BCAP29: variants seen among roughly 807,000 people sequenced by gnomAD.
BCAP29 encodes the protein B-cell receptor-associated protein 29.
A neutral mutation model predicts 31.8 loss-of-function variants in BCAP29; 34 were observed. The observed-to-expected ratio is 1.07, with a 90% CI of 0.81 to 1.42. The LOEUF is 1.42. Among genes scored for constraint, BCAP29 ranks in the 40% most tolerant of loss-of-function variants. BCAP29 has a pLI of 0.00. For missense variants in BCAP29, 314 were observed against 269.2 expected (o/e 1.17, Z -1.16); for synonymous variants, 104 against 91.3 (o/e 1.14, Z -0.79).
At chr7:107,591,887 G>C (rs1369490326) in intron 3 of BCAP29, among the ~76,000 whole-genome samples, 1 of 152,058 alleles carries the variant, frequency 6.6e-6, no homozygotes, top group Non-Finnish European at 1.5e-5. Flanking sequence ...ACAGGAGTTA[G>C]AGAAAGAAAT....
rs746517491 is a variant in BCAP29 at position 107,596,705 on chromosome 7, A to G, written c.480+703A>G. On this transcript the variant is annotated intron_variant, in intron 5 of 7. Transcript: ENST00000005259. ...AGAACACTGCTTTTTTTCCTCTTCA[A>G]TTGTTTTTCTCTTATTCTTTAGCTC... 5.3e-5 allele frequency among the ~76,000 whole-genome samples: 8 copies of G among 152,220 alleles called. No individual in the cohort carries two copies. In the East Asian group the frequency reaches 5.8e-4, roughly 11 times the overall value.
intron 4 of BCAP29, among the ~76,000 whole-genome samples, chr7:107,594,563 G>A (rs1298559715): frequency 1.3e-5 from 2 of 151,952 alleles, no homozygotes; most frequent in Admixed American, 6.6e-5. Context: ...GTGCAGTGGC[G>A]CGATCTCGGC....
intron 7 of BCAP29, among the ~76,000 whole-genome samples, chr7:107,614,389 A>T (rs908054874): frequency 4.6e-5 from 7 of 152,182 alleles, no homozygotes; most frequent in African/African-American, 1.7e-4. Flanking sequence ...AGGTTATAGC[A>T]TCCCTTTGGG....
chr7:107,612,414 TA>T (rs1563141300), intron 6 of BCAP29, among the ~76,000 whole-genome samples: 2,192 of 121,296 alleles, frequency 0.018, 125 homozygotes, highest in South Asian at 0.028. Context: ...TATATATATA[TA>T]TATATATATA....
chr7:107,618,531 C>A lies in BCAP29; in HGVS notation c.*168C>A. The A allele has an allele frequency of 6.2e-7, 1 of 1,606,226 alleles. No homozygotes were observed. The highest frequency in any genetic ancestry group is 1.1e-5 in the South Asian group (1 of 90,710). ...ATTATCAAAATATTTGATGATGTTTCAGATATATTGCAAAGTCTGTATTCC... is the reference window on the plus strand; with the variant it reads ...ATTATCAAAATATTTGATGATGTTTAAGATATATTGCAAAGTCTGTATTCC... On this transcript the variant is annotated 3_prime_UTR_variant, in exon 8 of 8. Coordinates refer to ENST00000005259, the MANE Select transcript of BCAP29 (RefSeq NM_018844.4).
Position 107,593,999 on chromosome 7 carries a change from G to C in BCAP29, c.238G>C (p.Glu80Gln). 6.2e-7 allele frequency: 1 copy of C among 1,613,888 alleles called. No individual in the cohort carries two copies. The highest frequency in any genetic ancestry group is 8.5e-7 in the Non-Finnish European group (1 of 1,179,858). ...GAAATATTCCTCAGTTCATACCATT[G>C]AGAAGAGCTCCACCAGCAGACCTGA... ...VRKYSSVHTI[E>Q]KSSTSRPDAY... The change falls in exon 4 of 8, where the codon GAG becomes CAG. Residue 80 changes from glutamate to glutamine, a missense_variant. Coordinates refer to ENST00000005259, the MANE Select transcript of BCAP29 (RefSeq NM_018844.4).
intron 1 of BCAP29, 104 bp downstream of exon 1, chr7:107,580,405 G>GCCCGA: frequency 4.2e-6 from 1 of 236,116 alleles, no homozygotes; most frequent in South Asian, 5.2e-5. Flanking sequence ...GCCCGACCCG[G>GCCCGA]CCCGGCCCGG....
At position 107,617,923 on chromosome 7, in the gene BCAP29, G is replaced by A. The variant is rs546275099; in HGVS notation, c.691-405G>A. ...TAATCTTTATAACATGATCAGCCAA[G>A]TATAATTTGAGAAGTCAGTTCTGTT... On this transcript the variant is annotated intron_variant, in intron 7 of 7. Transcript: ENST00000005259. Among the ~76,000 whole-genome samples, 659 of 152,252 alleles carry A rather than the reference G, an allele frequency of 4.3e-3. 3 individuals are homozygous for A. Among genetic ancestry groups the A allele is most frequent in the African/African-American group, 0.015 (630 of 41,552 alleles).
At chr7:107,600,647 A>C in intron 6 of BCAP29, 142 bp downstream of exon 6, 1 of 537,504 alleles carries the variant, frequency 1.9e-6, no homozygotes, top group South Asian at 3.0e-5. Flanking sequence ...ATTCTTGTTC[A>C]AATATGAAGA....
chr7:107,601,480 A>G (rs1811167964), intron 6 of BCAP29, among the ~76,000 whole-genome samples: 1 of 152,220 alleles, frequency 6.6e-6, no homozygotes, highest in South Asian at 2.1e-4. Context: ...AGTGAAAAAA[A>G]GAAGACAGTT....
intron 5 of BCAP29, among the ~76,000 whole-genome samples, chr7:107,598,341 T>C (rs1324010492): frequency 6.6e-6 from 1 of 152,198 alleles, no homozygotes; most frequent in East Asian, 1.9e-4. Context: ...GAAAAACTTT[T>C]AATTTGAGAA....
At chr7:107,598,535 C>G (rs1810266996) in intron 5 of BCAP29, among the ~76,000 whole-genome samples, 1 of 152,084 alleles carries the variant, frequency 6.6e-6, no homozygotes, top group African/African-American at 2.4e-5. Context: ...TTCGTCCTTT[C>G]TACTAGATTG....
chr7:107,598,828 T>G lies in BCAP29; in HGVS notation c.481-1569T>G, dbSNP rs1585126352. On this transcript the variant is annotated intron_variant, in intron 5 of 7. Coordinates refer to ENST00000005259, the MANE Select transcript of BCAP29 (RefSeq NM_018844.4). ...GGCTGATGCCTGTCATCTTAGCACT[T>G]TGGGAGGCTGAGGTGAGAAGATTGC... 2.7e-5 allele frequency among the ~76,000 whole-genome samples: 4 copies of G among 150,844 alleles called. No homozygotes were observed. In the South Asian group the frequency reaches 6.2e-4, roughly 24 times the overall value.
chr7:107,592,645 G>A (rs929306567), intron 3 of BCAP29, among the ~76,000 whole-genome samples: 3 of 152,228 alleles, frequency 2.0e-5, no homozygotes, highest in Non-Finnish European at 4.4e-5. Flanking sequence ...GTTCGTAGCA[G>A]CGTTATTCAT....
chr7:107,612,536 T>C (rs147255358), intron 6 of BCAP29, among the ~76,000 whole-genome samples: 1 of 150,974 alleles, frequency 6.6e-6, no homozygotes, highest in Non-Finnish European at 1.5e-5. Flanking sequence ...TTGTGTGCCA[T>C]TATCTTGAGG....
At chr7:107,586,727 T>TC (rs1339344355) in intron 3 of BCAP29, among the ~76,000 whole-genome samples, 134 of 149,966 alleles carry the variant, frequency 8.9e-4, no homozygotes, top group African/African-American at 3.2e-3. Flanking sequence ...ATGTATTTAT[T>TC]CTTTTTTTTT....
At chr7:107,617,882 A>C (rs1186962872) in intron 7 of BCAP29, among the ~76,000 whole-genome samples, 4 of 152,202 alleles carry the variant, frequency 2.6e-5, no homozygotes, top group Non-Finnish European at 5.9e-5. Context: ...CTTCAGTTTT[A>C]AATGATGTAA....
chr7:107,585,915 C>T (rs1196694077), intron 3 of BCAP29, among the ~76,000 whole-genome samples: 2 of 151,902 alleles, frequency 1.3e-5, no homozygotes, highest in Non-Finnish European at 1.5e-5. Flanking sequence ...TGTTTGCACC[C>T]GAGAGGCAGA....
In BCAP29 at chr7:107,618,443, A is replaced by C. The variant is rs774941391; in HGVS notation, c.*80A>C. 1 of 1,613,086 alleles carries C rather than the reference A, an allele frequency of 6.2e-7. No individual in the cohort carries two copies. Among genetic ancestry groups the C allele is most frequent in the East Asian group, 2.2e-5 (1 of 44,730 alleles). ...TAGCCTCTAGAAAATTTAAGTTCAGAAAAATGCACTATGACCGGTTCGTAA... is the reference window on the plus strand; with the variant it reads ...TAGCCTCTAGAAAATTTAAGTTCAGCAAAATGCACTATGACCGGTTCGTAA... On this transcript the variant is annotated 3_prime_UTR_variant, in exon 8 of 8. Coordinates refer to ENST00000005259, the MANE Select transcript of BCAP29 (RefSeq NM_018844.4).
Sources: allele counts gnomAD v4.1 joint callset (sites outside exome capture counted in the v4.1 genomes callset), GRCh38; gene constraint gnomAD v4.1.1; transcripts MANE v1.5; gene names NCBI Gene and HGNC (gene_info 2026-07-23, HGNC 2026-07-21).